The following CSMD1 variants were observed in gnomAD, a reference collection of about 807,000 sequenced individuals.
CSMD1 encodes the protein CUB and sushi domain-containing protein 1.
In CSMD1, 213 loss-of-function variants were observed where a neutral mutation model predicts 417.5. The observed-to-expected ratio is 0.51, with a 90% CI of 0.46 to 0.57. CSMD1 has a LOEUF of 0.57. Among genes scored for constraint, CSMD1 ranks in the 20% least tolerant of loss-of-function variants. CSMD1 has a pLI of 0.00. For synonymous variants in CSMD1, 2,862 were observed against 1,736.8 expected, an observed-to-expected ratio of 1.65 and a Z score of -16.11; for missense variants, 6,923 against 4,529.7, an observed-to-expected ratio of 1.53 and a Z score of -15.17.
At chr8:3,477,184 C>G (rs964786381) in intron 11 of CSMD1, among the ~76,000 whole-genome samples, 13 of 152,094 alleles carry the variant, frequency 8.5e-5, no homozygotes, top group African/African-American at 3.1e-4. Context: ...AAATACAACA[C>G]TAATAAAATG....
intron 1 of CSMD1, chr8:4,787,197 C>A: frequency 2.2e-6 from 1 of 448,676 alleles, no homozygotes; most frequent in Non-Finnish European, 4.2e-6. Flanking sequence ...GGCGCAGGGT[C>A]GCGGGGCCCC....
intron 5 of CSMD1, among the ~76,000 whole-genome samples, chr8:3,975,149 G>T (rs1813345235): frequency 6.6e-6 from 1 of 152,136 alleles, no homozygotes; most frequent in Non-Finnish European, 1.5e-5. Context: ...GCAAACGAGA[G>T]GCATGCCTCA....
rs17070314 is a variant in CSMD1 at position 4,444,714 on chromosome 8, G to A, written c.303-24649C>T. On this transcript the variant is annotated intron_variant, in intron 2 of 69. Coordinates refer to ENST00000635120, the MANE Select transcript of CSMD1 (RefSeq NM_033225.6). ...AAGCAGGGTCACTCTAAGCACAGGT[G>A]CATGAAGGAAAATAATGAGGTAAAA... is the stretch of plus-strand genomic sequence containing the variant. Among the ~76,000 whole-genome samples, 1,001 of 152,236 alleles carry A rather than the reference G, an allele frequency of 6.6e-3. 7 individuals carry two copies. The highest frequency in any genetic ancestry group is 0.023 in the African/African-American group (943 of 41,520).
chr8:3,031,133 G>A (rs1467128502), intron 50 of CSMD1, among the ~76,000 whole-genome samples: 1 of 151,956 alleles, frequency 6.6e-6, no homozygotes, highest in East Asian at 1.9e-4. Context: ...TTTCTGAAAA[G>A]CCCTTAAAGG....
At chr8:4,416,665 T>C (rs888008441) in intron 3 of CSMD1, among the ~76,000 whole-genome samples, 2 of 152,034 alleles carry the variant, frequency 1.3e-5, no homozygotes, top group African/African-American at 2.4e-5. Flanking sequence ...AGAGGCTCTT[T>C]GGGGAACAAT....
chr8:4,920,899 A>T (rs1451079791), intron 1 of CSMD1, among the ~76,000 whole-genome samples: 1 of 62,286 alleles, frequency 1.6e-5, no homozygotes, highest in African/African-American at 4.5e-5. Context: ...AAGAAAAGAA[A>T]AGAAAAGAAA....
At chr8:3,711,820 A>G (rs1311938511) in intron 6 of CSMD1, among the ~76,000 whole-genome samples, 2 of 152,210 alleles carry the variant, frequency 1.3e-5, no homozygotes, top group African/African-American at 2.4e-5. Context: ...TGCACAATAA[A>G]TAACAAATAA....
intron 6 of CSMD1, among the ~76,000 whole-genome samples, chr8:3,744,538 C>G (rs1284857745): frequency 3.9e-5 from 6 of 152,084 alleles, no homozygotes; most frequent in Non-Finnish European, 8.8e-5. Context: ...AGATTCGTTT[C>G]TTTATTTTCA....
intron 2 of CSMD1, among the ~76,000 whole-genome samples, chr8:4,546,014 T>G (rs1220198638): frequency 2.0e-5 from 3 of 152,148 alleles, no homozygotes; most frequent in Non-Finnish European, 4.4e-5. Flanking sequence ...CATCCACAGC[T>G]GCATCTACAG....
rs535532171 is a variant in CSMD1, at chr8:4,097,536, C to T, written c.416-65437G>A. ...GTTGCCCCTGGTGTGTTCAGATTCACCTCAAGACAGAAAGTCAGAGGACTA... is the reference window on the plus strand; with the variant it reads ...GTTGCCCCTGGTGTGTTCAGATTCATCTCAAGACAGAAAGTCAGAGGACTA... On this transcript the variant is annotated intron_variant, in intron 3 of 69. Coordinates refer to ENST00000635120, the MANE Select transcript of CSMD1 (RefSeq NM_033225.6). Among the ~76,000 whole-genome samples the T allele has an allele frequency of 3.3e-5, 5 of 152,234 alleles. No homozygotes were observed. The South Asian group carries it at 8.3e-4, about 25-fold the overall frequency.
intron 5 of CSMD1, among the ~76,000 whole-genome samples, chr8:3,828,197 T>G (rs189635093): frequency 7.2e-5 from 11 of 152,270 alleles, no homozygotes; most frequent in African/African-American, 2.6e-4. Flanking sequence ...TATGCAATCC[T>G]TGATATTCCT....
chr8:3,062,176 T>C (rs888699486), intron 49 of CSMD1, among the ~76,000 whole-genome samples: 3 of 152,202 alleles, frequency 2.0e-5, no homozygotes, highest in African/African-American at 2.4e-5. Context: ...TTTCCTCCCT[T>C]ATCTTTGATT....
intron 7 of CSMD1, among the ~76,000 whole-genome samples, chr8:3,698,322 C>T (rs1800668955): frequency 6.6e-6 from 1 of 152,170 alleles, no homozygotes; most frequent in African/African-American, 2.4e-5. Flanking sequence ...TGGGTCTTTG[C>T]TAAGAAAACA....
intron 3 of CSMD1, among the ~76,000 whole-genome samples, chr8:4,296,076 GCTCT>G (rs955040374): frequency 3.9e-5 from 6 of 152,032 alleles, no homozygotes; most frequent in Non-Finnish European, 8.8e-5. Context: ...AAAATGATGT[GCTCT>G]CTGTTGTTTT....
chr8:3,262,190 T>TATATATATATATATATATATATATGA (rs1801123225), intron 26 of CSMD1, among the ~76,000 whole-genome samples: 1 of 46,320 alleles, frequency 2.2e-5, no homozygotes, highest in African/African-American at 8.0e-5. Context: ...TATGAATATA[T>TATATATATATATATATATATATATGA]ATATATATAT....
intron 42 of CSMD1, among the ~76,000 whole-genome samples, chr8:3,114,289 C>T (rs757042364): frequency 6.6e-6 from 1 of 151,810 alleles, no homozygotes; most frequent in Non-Finnish European, 1.5e-5. Context: ...ATTTTAAAAC[C>T]TTGAACGTTT....
At chr8:3,271,674 T>C (rs1235173829) in intron 26 of CSMD1, among the ~76,000 whole-genome samples, 1 of 152,250 alleles carries the variant, frequency 6.6e-6, no homozygotes, top group African/African-American at 2.4e-5. Context: ...ATTTCTCTGA[T>C]AGCCAGTGAT....
intron 2 of CSMD1, among the ~76,000 whole-genome samples, chr8:4,632,083 G>T (rs148467372): frequency 1.3e-5 from 2 of 152,280 alleles, no homozygotes; most frequent in African/African-American, 4.8e-5. Flanking sequence ...TAGAAAACAT[G>T]TACCAATTAT....
In CSMD1 at chr8:4,637,578, C is replaced by A. The variant is rs192968657; in HGVS notation, c.86-20G>T. On this transcript the variant is annotated intron_variant, in intron 1 of 69. Transcript: ENST00000635120. ...TCTGACCTGGAAGAGAAAACACACACAAAAAAGCATATTATTCTGGCCATC... is the reference window on the plus strand; with the variant it reads ...TCTGACCTGGAAGAGAAAACACACAAAAAAAAGCATATTATTCTGGCCATC... 84 of 1,476,604 alleles carry A rather than the reference C, an allele frequency of 5.7e-5. No individual in the cohort carries two copies. In the East Asian group the frequency reaches 7.1e-4, roughly 12 times the overall value. 91.5% of individuals were successfully genotyped at this position (1,476,604 alleles called of 1,614,324 possible).
Sources: allele counts gnomAD v4.1 joint callset (sites outside exome capture counted in the v4.1 genomes callset), GRCh38; gene constraint gnomAD v4.1.1; transcripts MANE v1.5; gene names NCBI Gene and HGNC (gene_info 2026-07-23, HGNC 2026-07-21).